The following ST3GAL3 variants were observed in gnomAD, a reference collection of about 807,000 sequenced individuals.
ST3GAL3 encodes CMP-N-acetylneuraminate-beta-1,4-galactoside alpha-2,3-sialyltransferase.
A neutral mutation model predicts 50.1 loss-of-function variants in ST3GAL3; 21 were observed. That is an observed-to-expected ratio of 0.42 (90% CI 0.30 to 0.60). The LOEUF is 0.60. Ranked by LOEUF, ST3GAL3 falls within the 20% of genes least tolerant of loss-of-function variation. The pLI, the probability that ST3GAL3 is intolerant of heterozygous loss-of-function variation, is 0.19. For synonymous variants in ST3GAL3, 183 were observed against 190.0 expected (o/e 0.96, Z 0.30); for missense variants, 353 against 489.4 (o/e 0.72, Z 2.63).
chr1:43,736,709 C>T, intron 2 of ST3GAL3: 1 of 409,886 alleles, frequency 2.4e-6, no homozygotes, highest in South Asian at 2.1e-5. Context: ...CATATTGCCA[C>T]TCTATTTTGC....
At chr1:43,734,059 C>T (rs531149673) in intron 1 of ST3GAL3, among the ~76,000 whole-genome samples, 12 of 151,692 alleles carry the variant, frequency 7.9e-5, no homozygotes, top group East Asian at 2.0e-4. Context: ...TGCAGTGAAC[C>T]GAGATCGTGC....
At chr1:43,875,895 T>A (rs2073958540) in intron 5 of ST3GAL3, among the ~76,000 whole-genome samples, 1 of 133,038 alleles carries the variant, frequency 7.5e-6, no homozygotes, top group African/African-American at 2.9e-5. Flanking sequence ...GCTTTAGAAT[T>A]TCTCTTCTTC....
Position 43,807,181 on chromosome 1 carries a change from T to G in ST3GAL3, c.167-7710T>G, listed in dbSNP as rs563930262. ...CCTGTAATCTCAGCACTTTGGGAGG[T>G]TGAGGCAGGCGGATTACCTGAGGTC... On this transcript the variant is annotated intron_variant, in intron 3 of 11. Transcript: ENST00000347631. Among the ~76,000 whole-genome samples, 5 of 151,330 alleles carry G rather than the reference T, an allele frequency of 3.3e-5. No individual in the cohort carries two copies. In the East Asian group the frequency reaches 9.7e-4, roughly 29 times the overall value.
At position 43,898,229 on chromosome 1, in the gene ST3GAL3, C is replaced by T. The variant is rs1432993761; in HGVS notation, c.398-6C>T. 1 of 1,613,758 alleles carries T rather than the reference C, an allele frequency of 6.2e-7. No individual in the cohort carries two copies. Among genetic ancestry groups the T allele is most frequent in the African/African-American group, 1.3e-5 (1 of 74,918 alleles). ...TGTAACAGAAACCTCTCTCCTCTGTCTGCAGACAATCTGATCAAAGCCATC... is the reference window on the plus strand; with the variant it reads ...TGTAACAGAAACCTCTCTCCTCTGTTTGCAGACAATCTGATCAAAGCCATC... On this transcript the variant is annotated splice_region_variant and splice_polypyrimidine_tract_variant and intron_variant, in intron 6 of 11. Transcript: ENST00000347631.
At chr1:43,929,310 A>AT (rs879289204) in intron 11 of ST3GAL3, among the ~76,000 whole-genome samples, 21,422 of 76,502 alleles carry the variant, frequency 0.28, 1,709 homozygotes, top group South Asian at 0.44. Flanking sequence ...TTTAATTATT[A>AT]TTTTTTTTTT....
At chr1:43,731,597 CTG>C (rs934982854) in intron 1 of ST3GAL3, among the ~76,000 whole-genome samples, 7 of 144,086 alleles carry the variant, frequency 4.9e-5, no homozygotes, top group African/African-American at 1.8e-4. Flanking sequence ...TGGGGTTTCA[CTG>C]TGTTAGCCAG....
intron 4 of ST3GAL3, 100 bp from the exon 5 acceptor site, chr1:43,838,114 CAAAAA>C (rs56058853): frequency 2.8e-5 from 10 of 357,882 alleles, no homozygotes; most frequent in Non-Finnish European, 3.9e-5. Context: ...GACTCCGTCT[CAAAAA>C]AAAAAAAAAA....
intron 5 of ST3GAL3, among the ~76,000 whole-genome samples, chr1:43,887,114 A>G (rs1024964358): frequency 6.6e-6 from 1 of 152,170 alleles, no homozygotes. Context: ...AGAGAGTTGG[A>G]AAAGGATAGA....
intron 2 of ST3GAL3, chr1:43,736,646 C>T: frequency 1.8e-6 from 1 of 563,136 alleles, no homozygotes; most frequent in Non-Finnish European, 3.2e-6. Flanking sequence ...AAAACCCAAA[C>T]TATACTCATA....
chr1:43,755,249 C>A (rs1687614255), intron 2 of ST3GAL3, among the ~76,000 whole-genome samples: 1 of 152,068 alleles, frequency 6.6e-6, no homozygotes, highest in African/African-American at 2.4e-5. Context: ...TAATGCTAAG[C>A]ATATGAAGAG....
intron 5 of ST3GAL3, 176 bp from the exon 6 acceptor site, chr1:43,894,207 C>G (rs745395079): frequency 1.5e-5 from 10 of 684,564 alleles, no homozygotes; most frequent in Non-Finnish European, 1.9e-5. Flanking sequence ...CTCCACTGAA[C>G]AAGATCTGTC....
intron 5 of ST3GAL3, among the ~76,000 whole-genome samples, chr1:43,859,876 C>T (rs3791087): frequency 0.2 from 30,894 of 152,084 alleles, 4,048 homozygotes; most frequent in African/African-American, 0.35. Flanking sequence ...CCACATTCCC[C>T]GTCTCCATCA....
intron 9 of ST3GAL3, among the ~76,000 whole-genome samples, chr1:43,911,691 ATTT>A (rs201013233): frequency 7.2e-6 from 1 of 138,090 alleles, no homozygotes. Flanking sequence ...ATAGATATGG[ATTT>A]TTTTTTTTTT....
intron 2 of ST3GAL3, among the ~76,000 whole-genome samples, chr1:43,783,094 T>C (rs1179183518): frequency 6.6e-6 from 1 of 152,172 alleles, no homozygotes; most frequent in East Asian, 1.9e-4. Context: ...TTACTCTTTT[T>C]ACAGATGAGG....
At chr1:43,865,228 C>T (rs1475044546) in intron 5 of ST3GAL3, among the ~76,000 whole-genome samples, 1 of 152,034 alleles carries the variant, frequency 6.6e-6, no homozygotes, top group Admixed American at 6.6e-5. Context: ...CCATGTTAGC[C>T]AGGATGGTTT....
chr1:43,828,033 C>T (rs1057124485), intron 4 of ST3GAL3, among the ~76,000 whole-genome samples: 2 of 152,048 alleles, frequency 1.3e-5, no homozygotes, highest in South Asian at 2.1e-4. Flanking sequence ...ATCAAGATAG[C>T]GTAGTATTGG....
chr1:43,710,318 G>A (rs1472428054), intron 1 of ST3GAL3, among the ~76,000 whole-genome samples: 1 of 152,066 alleles, frequency 6.6e-6, no homozygotes, highest in East Asian at 1.9e-4. Context: ...CTGATCTCAA[G>A]TGATCTGCCC....
At chr1:43,901,540 A>G (rs2078274411) in intron 9 of ST3GAL3, among the ~76,000 whole-genome samples, 1 of 152,240 alleles carries the variant, frequency 6.6e-6, no homozygotes, top group African/African-American at 2.4e-5. Flanking sequence ...GAAAGAAAGA[A>G]GAAAAGGAAG....
intron 4 of ST3GAL3, among the ~76,000 whole-genome samples, chr1:43,831,354 G>A (rs1354231709): frequency 6.6e-6 from 1 of 152,202 alleles, no homozygotes; most frequent in Non-Finnish European, 1.5e-5. Context: ...ACCAGTTGAT[G>A]GGTCCATGTA....
Sources: gnomAD v4.1 joint callset for allele counts (sites outside exome capture counted in the v4.1 genomes callset) on GRCh38, gnomAD v4.1.1 for gene constraint, MANE v1.5 for transcripts, NCBI Gene and HGNC (gene_info 2026-07-23, HGNC 2026-07-21) for gene names.